ACAA2: variants seen among roughly 807,000 people sequenced by gnomAD.
ACAA2 encodes acetyl-CoA acyltransferase 2, also known as 3-ketoacyl-CoA thiolase, mitochondrial.
Under a neutral mutation model 44.8 loss-of-function variants are expected in ACAA2, and 35 were observed. The observed-to-expected ratio is 0.78, with a 90% CI of 0.60 to 1.04. ACAA2 has a LOEUF of 1.04. ACAA2 is among the 50% of genes least tolerant of loss of function. The pLI, the probability that ACAA2 is intolerant of heterozygous loss-of-function variation, is 0.00. For missense variants in ACAA2, 468 were observed against 482.6 expected (o/e 0.97, Z 0.28); for synonymous variants, 142 against 166.5 (o/e 0.85, Z 1.13).
chr18:49,802,828 T>A lies in ACAA2; in HGVS notation c.42A>T (p.Arg14=). The part of the protein sequence containing the change: ...LRGVFVVAAK[R]TPFGAYGGLL... The stretch of plus-strand genomic sequence containing the variant: ...GGCCTCCGTAAGCTCCAAAGGGCGT[T>A]CGCTTAGCAGCAACTACAAACACAC... The change falls in exon 2 of 10, where the codon CGA becomes CGT. Residue 14 remains arginine (R), a synonymous_variant. Coordinates refer to ENST00000285093, the MANE Select transcript of ACAA2 (RefSeq NM_006111.3). 1 of 1,614,142 alleles carries A rather than the reference T, an allele frequency of 6.2e-7. No individual in the cohort carries two copies. Among genetic ancestry groups the A allele is most frequent in the Non-Finnish European group, 8.5e-7 (1 of 1,180,010 alleles).
At chr18:49,799,854 C>T (rs1177802749) in intron 2 of ACAA2, among the ~76,000 whole-genome samples, 4 of 134,876 alleles carry the variant, frequency 3.0e-5, no homozygotes, top group Admixed American at 3.0e-4. Flanking sequence ...GTGGGGAGCG[C>T]CTCTGCCCGG....
intron 2 of ACAA2, among the ~76,000 whole-genome samples, chr18:49,798,240 T>G (rs1568588058): frequency 1.3e-5 from 2 of 152,190 alleles, no homozygotes; most frequent in Non-Finnish European, 2.9e-5. Flanking sequence ...TAAAACAGGC[T>G]GAGGACTGCA....
chr18:49,803,908 C>CTT (rs5824806), intron 1 of ACAA2, among the ~76,000 whole-genome samples: 3 of 118,004 alleles, frequency 2.5e-5, no homozygotes, highest in African/African-American at 6.5e-5. Flanking sequence ...AATGATATTG[C>CTT]TTTTTTTTTT....
chr18:49,800,699 G>A (rs557857314), intron 2 of ACAA2, among the ~76,000 whole-genome samples: 16 of 152,232 alleles, frequency 1.1e-4, no homozygotes, highest in African/African-American at 3.6e-4. Context: ...TTGAAAGGCA[G>A]CATGCTTGTT....
At chr18:49,784,132 CAAAG>C (rs1460013570) in intron 9 of ACAA2, among the ~76,000 whole-genome samples, 1 of 148,642 alleles carries the variant, frequency 6.7e-6, no homozygotes, top group East Asian at 2.0e-4. Context: ...AAACAAAAAA[CAAAG>C]AACAAAAACA....
intron 1 of ACAA2, among the ~76,000 whole-genome samples, chr18:49,808,878 G>A (rs983334691): frequency 6.6e-6 from 1 of 152,158 alleles, no homozygotes; most frequent in Admixed American, 6.5e-5. Context: ...TTCAATAGCA[G>A]AGAACTGGTC....
intron 1 of ACAA2, among the ~76,000 whole-genome samples, chr18:49,807,516 C>T (rs1055954112): frequency 1.3e-5 from 2 of 152,172 alleles, no homozygotes; most frequent in Non-Finnish European, 2.9e-5. Flanking sequence ...GAAGGGAAAA[C>T]TTAGGTTGGA....
intron 2 of ACAA2, among the ~76,000 whole-genome samples, chr18:49,802,136 G>A (rs1165708334): frequency 1.3e-5 from 2 of 152,178 alleles, no homozygotes; most frequent in African/African-American, 4.8e-5. Flanking sequence ...AGCCAAGGAA[G>A]TCAATCTGCT....
Position 49,785,250 on chromosome 18 carries a change from G to A in ACAA2, c.1056C>T (p.His352=), listed in dbSNP as rs2023314648. ...NVNGGAIALG[H]PLGGSGSRIT... ...TTCTTGATCCAGATCCTCCCAGTGG[G>A]TGACCCAAAGCAATGGCTCCTCCAT... Residue 352 remains histidine (H), a synonymous_variant, in exon 9 of 10, where the codon CAC becomes CAT. Coordinates refer to ENST00000285093, the MANE Select transcript of ACAA2 (RefSeq NM_006111.3). 1.9e-6 allele frequency: 3 copies of A among 1,614,036 alleles called. No homozygotes were observed. Among genetic ancestry groups the A allele is most frequent in the East Asian group, 2.2e-5 (1 of 44,888 alleles).
chr18:49,788,145 A>G (rs991533478), intron 7 of ACAA2, among the ~76,000 whole-genome samples: 21 of 152,372 alleles, frequency 1.4e-4, no homozygotes, highest in African/African-American at 4.8e-4. Context: ...TGATGTAATG[A>G]GAGTTTAATA....
chr18:49,801,814 A>ATATATATATC (rs1491158195), intron 2 of ACAA2, among the ~76,000 whole-genome samples: 22 of 134,996 alleles, frequency 1.6e-4, no homozygotes, highest in African/African-American at 5.4e-4. Flanking sequence ...ATATATATAT[A>ATATATATATC]TCTTATCTTT....
rs900583925 is a variant in ACAA2 at position 49,787,280 on chromosome 18, A to C, written c.954+11T>G. ...GTTGTTAAAAAAAAAAAAAAAAAAA[A>C]AAACACTTACCTCTACCAAATCCAT... is the stretch of plus-strand genomic sequence containing the variant. On this transcript the variant is annotated intron_variant, in intron 8 of 9. Coordinates refer to ENST00000285093, the MANE Select transcript of ACAA2 (RefSeq NM_006111.3). 6.8e-7 allele frequency: 1 copy of C among 1,466,188 alleles called. No individual in the cohort carries two copies. The highest frequency in any genetic ancestry group is 1.5e-5 in the African/African-American group (1 of 67,744). The allele number at this position is 1,466,188 out of a possible 1,614,324, so 90.8% of individuals were successfully genotyped here.
At chr18:49,813,112 G>A (rs1301360201) in intron 1 of ACAA2, 1 of 206,536 alleles carries the variant, frequency 4.8e-6, no homozygotes, top group Non-Finnish European at 9.6e-6. Flanking sequence ...CCCGCAGCAG[G>A]CGCCCGCGGC....
At chr18:49,803,409 G>A (rs1265420143) in intron 1 of ACAA2, among the ~76,000 whole-genome samples, 1 of 152,126 alleles carries the variant, frequency 6.6e-6, no homozygotes, top group Non-Finnish European at 1.5e-5. Flanking sequence ...ACACTTGCTT[G>A]ATCTATCACC....
In ACAA2 at chr18:49,792,215, T is replaced by G; in HGVS notation, c.690A>C (p.Glu230Asp). The G allele has an allele frequency of 6.2e-7, 1 of 1,614,132 alleles. No individual in the cohort carries two copies. Among genetic ancestry groups the G allele is most frequent in the Non-Finnish European group, 8.5e-7 (1 of 1,180,008 alleles). Reference sequence around the variant, plus strand: ...ATACTGGAGGAAGTTTCTGTAACTGTTCCAGGGTGGTTTGGGGCCGAGCAT... The same window carrying G: ...ATACTGGAGGAAGTTTCTGTAACTGGTCCAGGGTGGTTTGGGGCCGAGCAT... Reference protein sequence around the residue: ...DEHARPQTTLEQLQKLPPVFK... With the variant: ...DEHARPQTTLDQLQKLPPVFK... Residue 230 changes from glutamate to aspartate, a missense_variant, in exon 6 of 10, where the codon GAA (glutamate) becomes GAC (aspartate). By Grantham distance (45) the Glu-to-Asp change is conservative. Transcript: ENST00000285093.
At chr18:49,798,040 T>C (rs1340847077) in intron 2 of ACAA2, among the ~76,000 whole-genome samples, 2 of 152,206 alleles carry the variant, frequency 1.3e-5, no homozygotes, top group East Asian at 3.8e-4. Context: ...CCTAAAGTAG[T>C]ATGCTCCTTA....
At chr18:49,794,522 C>G in intron 4 of ACAA2, 95 bp from the exon 5 acceptor site, 1 of 1,044,126 alleles carries the variant, frequency 9.6e-7, no homozygotes, top group Non-Finnish European at 1.3e-6. Flanking sequence ...TTCCAATAAA[C>G]AAAAGTAAAA....
intron 2 of ACAA2, among the ~76,000 whole-genome samples, chr18:49,798,719 TA>T (rs1238206497): frequency 6.6e-6 from 1 of 152,208 alleles, no homozygotes; most frequent in African/African-American, 2.4e-5. Flanking sequence ...GAACTCAGTA[TA>T]ACATCAATTA....
chr18:49,802,789 G>GAAGT lies in ACAA2; in HGVS notation c.77_80dup (p.Phe27LeufsTer6). ...CAAATTCAGACAAGTCAGTAGCAGT[G>GAAGT]AAGTCTTTCAGAAGGCCTCCGTAAG... On this transcript the variant is annotated frameshift_variant, in exon 2 of 10. Transcript: ENST00000285093. LOFTEE classifies it high-confidence loss of function. 1 of 1,614,124 alleles carries GAAGT rather than the reference G, an allele frequency of 6.2e-7. No homozygotes were observed. The highest frequency in any genetic ancestry group is 8.5e-7 in the Non-Finnish European group (1 of 1,180,026).
Sources: gnomAD v4.1 joint callset for allele counts (sites outside exome capture counted in the v4.1 genomes callset) on GRCh38, gnomAD v4.1.1 for gene constraint, MANE v1.5 for transcripts, NCBI Gene and HGNC (gene_info 2026-07-23, HGNC 2026-07-21) for gene names.